GPC6: variants seen among roughly 807,000 people sequenced by gnomAD.
The protein encoded by GPC6 is glypican 6.
A neutral mutation model predicts 55.2 loss-of-function variants in GPC6; 14 were observed. The observed-to-expected ratio is 0.25, with a 90% CI of 0.17 to 0.40. The LOEUF (loss-of-function observed/expected upper bound fraction) is 0.40, where lower values mean the gene tolerates loss of function less well. Ranked by LOEUF, GPC6 falls within the 10% of genes least tolerant of loss-of-function variation. The pLI, the probability that GPC6 is intolerant of heterozygous loss-of-function variation, is 1.00. For synonymous variants in GPC6, 278 were observed against 259.6 expected, an observed-to-expected ratio of 1.07 and a Z score of -0.68; for missense variants, 641 against 708.5, an observed-to-expected ratio of 0.90 and a Z score of 1.08.
chr13:93,360,097 A>C (rs1566316319), intron 1 of GPC6, among the ~76,000 whole-genome samples: 1 of 152,200 alleles, frequency 6.6e-6, no homozygotes, highest in East Asian at 1.9e-4. Flanking sequence ...AGCCAGTAAA[A>C]GAACATCATT....
intron 4 of GPC6, among the ~76,000 whole-genome samples, chr13:94,214,641 A>T (rs926147086): frequency 6.6e-6 from 1 of 152,144 alleles, no homozygotes; most frequent in Non-Finnish European, 1.5e-5. Context: ...CATGGATTGG[A>T]AATTTTTTTT....
intron 6 of GPC6, among the ~76,000 whole-genome samples, chr13:94,369,354 A>G (rs190516639): frequency 3.2e-4 from 48 of 152,336 alleles, no homozygotes; most frequent in African/African-American, 9.6e-4. Flanking sequence ...CAGAGGAAAT[A>G]AAGGGTCCAG....
chr13:94,102,001 C>T (rs1042445466), intron 4 of GPC6, among the ~76,000 whole-genome samples: 1 of 151,938 alleles, frequency 6.6e-6, no homozygotes, highest in Admixed American at 6.6e-5. Context: ...TTGCAAAATG[C>T]ATTTAAAATC....
intron 7 of GPC6, 32 bp from the exon 8 acceptor site, chr13:94,398,434 C>T: frequency 6.5e-7 from 1 of 1,539,274 alleles, no homozygotes; most frequent in Non-Finnish European, 9.0e-7. Flanking sequence ...GTGGCATCTC[C>T]CTGAGGTGTT....
intron 1 of GPC6, among the ~76,000 whole-genome samples, chr13:93,270,099 A>G (rs1877467483): frequency 6.6e-6 from 1 of 151,734 alleles, no homozygotes; most frequent in African/African-American, 2.4e-5. Context: ...TCAAAAAAAA[A>G]ATTAGCCAGG....
At chr13:93,389,503 CAA>C (rs5805801) in intron 1 of GPC6, among the ~76,000 whole-genome samples, 2,183 of 124,240 alleles carry the variant, frequency 0.018, 60 homozygotes, top group African/African-American at 0.056. Flanking sequence ...GACTCCATCT[CAA>C]AAAAAAAAAA....
intron 4 of GPC6, among the ~76,000 whole-genome samples, chr13:94,096,237 A>AT (rs1375877070): frequency 6.6e-6 from 1 of 152,016 alleles, no homozygotes; most frequent in Non-Finnish European, 1.5e-5. Flanking sequence ...GAGAAAAACA[A>AT]TTTTTAGTAT....
chr13:93,356,638 C>G (rs1213649768), intron 1 of GPC6, among the ~76,000 whole-genome samples: 1 of 152,194 alleles, frequency 6.6e-6, no homozygotes, highest in East Asian at 1.9e-4. Context: ...ATCATAGAGA[C>G]TTACTTGTTA....
intron 1 of GPC6, among the ~76,000 whole-genome samples, chr13:93,263,234 C>T (rs933087013): frequency 3.9e-5 from 6 of 152,098 alleles, no homozygotes; most frequent in Non-Finnish European, 5.9e-5. Context: ...TGGCCCACAC[C>T]GTGGGTTTTC....
Position 93,709,163 on chromosome 13 carries a change from A to G in GPC6, c.320-120991A>G, listed in dbSNP as rs147001744. Among the ~76,000 whole-genome samples the G allele has an allele frequency of 4.9e-3, 752 of 151,946 alleles. 6 individuals carry two copies. Among genetic ancestry groups the G allele is most frequent in the African/African-American group, 0.017 (716 of 41,500 alleles). ...ACTAAAGCAAGTGCTTCATAAAACA[A>G]GAAAGAAAGTAGGTTATAAGGTGGA... On this transcript the variant is annotated intron_variant, in intron 2 of 8. Transcript: ENST00000377047.
intron 4 of GPC6, among the ~76,000 whole-genome samples, chr13:94,041,089 A>T (rs1318545543): frequency 2.6e-5 from 4 of 151,922 alleles, no homozygotes; most frequent in African/African-American, 9.7e-5. Flanking sequence ...AGGTATGAAC[A>T]TCACAAACCT....
chr13:94,332,373 C>T (rs1342308947), intron 6 of GPC6, among the ~76,000 whole-genome samples: 1 of 152,092 alleles, frequency 6.6e-6, no homozygotes, highest in African/African-American at 2.4e-5. Context: ...TGTGAAAGTT[C>T]CAAGTAGGGG....
At chr13:94,159,090 G>A (rs1888066841) in intron 4 of GPC6, among the ~76,000 whole-genome samples, 1 of 152,066 alleles carries the variant, frequency 6.6e-6, no homozygotes, top group African/African-American at 2.4e-5. Context: ...TACCTAGGCA[G>A]AGATGACAAA....
intron 2 of GPC6, among the ~76,000 whole-genome samples, chr13:93,567,708 G>A (rs1220570384): frequency 6.6e-6 from 1 of 152,128 alleles, no homozygotes; most frequent in Non-Finnish European, 1.5e-5. Flanking sequence ...TTATATTTCA[G>A]TACATTGCTT....
Position 93,994,861 on chromosome 13 carries a change from C to T in GPC6, c.712-32868C>T, listed in dbSNP as rs145930443. On this transcript the variant is annotated intron_variant, in intron 3 of 8. Coordinates refer to ENST00000377047, the MANE Select transcript of GPC6 (RefSeq NM_005708.5). ...TAATAAACTTTTATCAAACATATACCGTGAGTCAGTTTCTACACTGTATGC... is the reference window on the plus strand; with the variant it reads ...TAATAAACTTTTATCAAACATATACTGTGAGTCAGTTTCTACACTGTATGC... Among the ~76,000 whole-genome samples, 880 of 152,182 alleles carry T rather than the reference C, an allele frequency of 5.8e-3. 4 individuals are homozygous for T. The highest frequency in any genetic ancestry group is 9.8e-3 in the Non-Finnish European group (668 of 68,008).
chr13:93,928,523 G>A lies in GPC6; in HGVS notation c.711+97978G>A, dbSNP rs184738737. ...ACATTCATGAGCTTATAAGACAATG[G>A]GGTTTAAACACTCTTAGCCACAGAA... On this transcript the variant is annotated intron_variant, in intron 3 of 8. Coordinates refer to ENST00000377047, the MANE Select transcript of GPC6 (RefSeq NM_005708.5). Among the ~76,000 whole-genome samples the A allele has an allele frequency of 1.4e-4, 22 of 152,150 alleles. 1 individual carries two copies. The highest frequency in any genetic ancestry group is 5.3e-4 in the African/African-American group (22 of 41,504).
chr13:93,600,362 T>G (rs1035778304), intron 2 of GPC6, among the ~76,000 whole-genome samples: 1 of 152,170 alleles, frequency 6.6e-6, no homozygotes. Context: ...TCACCACAGG[T>G]CAAAGCATTT....
In GPC6 at chr13:93,684,917, C is replaced by T. The variant is rs114322582; in HGVS notation, c.319+139496C>T. ...TCCTGAAATAGTTTATTATTTCTCC[C>T]ATTTCATAAGGAGCTGTAAAATGAT... is the stretch of plus-strand genomic sequence containing the variant. On this transcript the variant is annotated intron_variant, in intron 2 of 8. Coordinates refer to ENST00000377047, the MANE Select transcript of GPC6 (RefSeq NM_005708.5). 7.4e-3 allele frequency among the ~76,000 whole-genome samples: 1,118 copies of T among 152,094 alleles called. 11 individuals are homozygous for T. The highest frequency in any genetic ancestry group is 0.026 in the African/African-American group (1,065 of 41,500).
intron 3 of GPC6, among the ~76,000 whole-genome samples, chr13:93,996,961 C>T (rs1220902209): frequency 1.3e-5 from 2 of 152,102 alleles, no homozygotes; most frequent in Admixed American, 6.6e-5. Flanking sequence ...GTTGGTGAAG[C>T]ACAATTACCT....
Sources: gnomAD v4.1 joint callset for allele counts (sites outside exome capture counted in the v4.1 genomes callset) on GRCh38, gnomAD v4.1.1 for gene constraint, MANE v1.5 for transcripts, NCBI Gene and HGNC (gene_info 2026-07-23, HGNC 2026-07-21) for gene names.